SV2C: variants seen among roughly 807,000 people sequenced by gnomAD.
SV2C encodes synaptic vesicle glycoprotein 2C, also known as solute carrier family 22 member B3.
In SV2C, 49 loss-of-function variants were observed where a neutral mutation model predicts 79.7. The observed-to-expected ratio is 0.61, with a 90% CI of 0.49 to 0.78. The LOEUF is 0.78. Ranked by LOEUF, SV2C falls within the 30% of genes least tolerant of loss-of-function variation. The pLI, the probability that SV2C is intolerant of heterozygous loss-of-function variation, is 0.00. For missense variants in SV2C, 833 were observed against 912.9 expected, an observed-to-expected ratio of 0.91 and a Z score of 1.13; for synonymous variants, 334 against 333.2, an observed-to-expected ratio of 1.00 and a Z score of -0.03.
chr5:76,330,680 G>A lies in SV2C; in HGVS notation c.*5133G>A, dbSNP rs1392466014. ...CTTTGATGAGAGGAGAAAGCTCCTT[G>A]ATTACCTGGTTTTTGTTGGAGAGAC... On this transcript the variant is annotated 3_prime_UTR_variant, in exon 13 of 13. Transcript: ENST00000502798. The A allele has an allele frequency of 6.6e-6, 1 of 151,998 alleles. No homozygotes were observed. The allele number at this position is 151,998 out of a possible 1,614,324, so 9.4% of individuals were successfully genotyped here. A position where few individuals can be genotyped will look rare whatever the true frequency, so the allele number is the denominator to read the frequency against.
chr5:75,911,660 G>A, the SV2C span: 3 of 698,662 alleles, frequency 4.3e-6, no homozygotes, highest in East Asian at 8.9e-5. Context: ...GAAGAACTTT[G>A]CACTTTTCCC....
At chr5:75,955,418 G>A in the SV2C span, among the ~76,000 whole-genome samples, 16,075 of 150,100 alleles carry the variant, frequency 0.11, 2,605 homozygotes, top group African/African-American at 0.35. Flanking sequence ...AGACTTAAAC[G>A]TTAGACCTAA....
the SV2C span, among the ~76,000 whole-genome samples, chr5:75,859,853 T>C: frequency 0.019 from 2,849 of 151,996 alleles, 49 homozygotes; most frequent in Middle Eastern, 0.048. Context: ...ATACATCTTA[T>C]TGAATGACTT....
chr5:76,026,348 A>C, the SV2C span, among the ~76,000 whole-genome samples: 1 of 152,188 alleles, frequency 6.6e-6, no homozygotes, highest in African/African-American at 2.4e-5. Context: ...ACTTTCAGCC[A>C]AAATCCTGAG....
the SV2C span, among the ~76,000 whole-genome samples, chr5:75,888,927 GA>G: frequency 6.6e-6 from 1 of 152,038 alleles, no homozygotes; most frequent in African/African-American, 2.4e-5. Flanking sequence ...CTAGAGGCCA[GA>G]AGTCTGAGAT....
chr5:76,167,665 G>T (rs74728614), intron 2 of SV2C, among the ~76,000 whole-genome samples: 1,888 of 152,300 alleles, frequency 0.012, 20 homozygotes, highest in Non-Finnish European at 0.018. Flanking sequence ...TGAAAATGAT[G>T]GTCAGAGAGG....
At chr5:76,291,375 A>G in intron 7 of SV2C, 44 bp downstream of exon 7, 1 of 1,495,964 alleles carries the variant, frequency 6.7e-7, no homozygotes, top group Non-Finnish European at 9.1e-7. Context: ...AATTTATTGC[A>G]TTTGAGGTTA....
chr5:76,321,534 G>A (rs1748829112), intron 12 of SV2C, among the ~76,000 whole-genome samples: 1 of 152,062 alleles, frequency 6.6e-6, no homozygotes, highest in African/African-American at 2.4e-5. Context: ...GAGTCCAGGA[G>A]TTTGAGACCA....
intron 2 of SV2C, among the ~76,000 whole-genome samples, chr5:76,150,805 T>C (rs1749582885): frequency 6.6e-6 from 1 of 151,724 alleles, no homozygotes; most frequent in Non-Finnish European, 1.5e-5. Context: ...GCTTGGCTAA[T>C]TTTTTTATTT....
intron 4 of SV2C, among the ~76,000 whole-genome samples, chr5:76,250,130 T>G (rs1746068948): frequency 6.6e-6 from 1 of 152,194 alleles, no homozygotes; most frequent in Non-Finnish European, 1.5e-5. Context: ...TAAAGAAATG[T>G]TGGCAGGTGC....
chr5:75,861,401 A>G, the SV2C span, among the ~76,000 whole-genome samples: 54,097 of 152,130 alleles, frequency 0.36, 13,017 homozygotes, highest in African/African-American at 0.69. Context: ...AGCCACTGTG[A>G]AAAGCAGTTT....
chr5:76,286,698 T>C (rs890046222), intron 6 of SV2C: 1 of 152,244 alleles, frequency 6.6e-6, no homozygotes, highest in African/African-American at 2.4e-5. Flanking sequence ...AAAGGTTTAA[T>C]TGACTCACAG....
the SV2C span, among the ~76,000 whole-genome samples, chr5:76,026,607 A>G: frequency 6.6e-6 from 1 of 152,242 alleles, no homozygotes; most frequent in Non-Finnish European, 1.5e-5. Context: ...CAAGAATACA[A>G]GGAATGCTGA....
At chr5:76,008,424 G>C in the SV2C span, among the ~76,000 whole-genome samples, 2 of 151,976 alleles carry the variant, frequency 1.3e-5, no homozygotes, top group African/African-American at 2.4e-5. Context: ...TTCCAGGAAG[G>C]GTACACAGTT....
the SV2C span, among the ~76,000 whole-genome samples, chr5:76,058,237 G>A: frequency 1.3e-5 from 2 of 152,088 alleles, no homozygotes; most frequent in Non-Finnish European, 2.9e-5. Flanking sequence ...TAATTGAAAC[G>A]ACCATGAATA....
intron 1 of SV2C, among the ~76,000 whole-genome samples, chr5:76,120,488 G>T (rs1561224012): frequency 5.6e-5 from 8 of 142,166 alleles, no homozygotes. Flanking sequence ...TTTAGCATTA[G>T]GTGTATATCC....
chr5:75,861,718 GAAAACC>G, the SV2C span, among the ~76,000 whole-genome samples: 1 of 152,302 alleles, frequency 6.6e-6, no homozygotes, highest in South Asian at 2.1e-4. Context: ...TGCAGGAACA[GAAAACC>G]AAATACTGCA....
the SV2C span, among the ~76,000 whole-genome samples, chr5:76,049,488 G>T: frequency 6.6e-6 from 1 of 152,154 alleles, no homozygotes; most frequent in Non-Finnish European, 1.5e-5. Flanking sequence ...TGAGCTTATT[G>T]TCAATGGAGA....
the SV2C span, among the ~76,000 whole-genome samples, chr5:76,050,596 C>G: frequency 6.6e-6 from 1 of 152,160 alleles, no homozygotes; most frequent in Non-Finnish European, 1.5e-5. Flanking sequence ...CTCTTTCACT[C>G]TCTCTCTTTT....
Sources: allele counts gnomAD v4.1 joint callset (sites outside exome capture counted in the v4.1 genomes callset), GRCh38; gene constraint gnomAD v4.1.1; transcripts MANE v1.5; gene names NCBI Gene and HGNC (gene_info 2026-07-23, HGNC 2026-07-21).